The following TENM3 variants were observed in gnomAD, a reference collection of about 807,000 sequenced individuals.
TENM3 encodes the protein teneurin-3.
A neutral mutation model predicts 255.1 loss-of-function variants in TENM3; 63 were observed. The ratio of observed to expected loss-of-function variants is 0.25; its 90% CI spans 0.20 to 0.30. TENM3 has a LOEUF of 0.30. Among genes scored for constraint, TENM3 ranks in the 10% least tolerant of loss-of-function variants. The probability of loss-of-function intolerance (pLI) is 1.00; values close to 1 mark genes in which losing one functional copy is unlikely to be tolerated. For missense variants in TENM3, 2,929 were observed against 3,461.1 expected (o/e 0.85, Z 3.86); for synonymous variants, 1,306 against 1,322.3 (o/e 0.99, Z 0.27).
chr4:182,548,504 C>A (rs1380237499), intron 3 of TENM3, among the ~76,000 whole-genome samples: 1 of 152,128 alleles, frequency 6.6e-6, no homozygotes, highest in African/African-American at 2.4e-5. Flanking sequence ...GGGGGAGGAA[C>A]ACTTCCATGA....
the TENM3 span, among the ~76,000 whole-genome samples, chr4:181,573,903 G>A: frequency 1.3e-5 from 2 of 151,860 alleles, no homozygotes; most frequent in African/African-American, 4.8e-5. Context: ...TATCTCAAAG[G>A]ACAAATTCAT....
At chr4:181,622,553 G>A in the TENM3 span, among the ~76,000 whole-genome samples, 1 of 152,106 alleles carries the variant, frequency 6.6e-6, no homozygotes, top group Non-Finnish European at 1.5e-5. Flanking sequence ...GCAAGAGCGT[G>A]TAATGTCAGC....
chr4:182,549,749 A>G (rs932308093), intron 3 of TENM3, among the ~76,000 whole-genome samples: 1 of 152,234 alleles, frequency 6.6e-6, no homozygotes, highest in Non-Finnish European at 1.5e-5. Context: ...AATAATACAA[A>G]GAAACATAGG....
chr4:181,475,917 G>C, the TENM3 span, among the ~76,000 whole-genome samples: 6,437 of 152,264 alleles, frequency 0.042, 455 homozygotes, highest in African/African-American at 0.15. Flanking sequence ...GGGGCACCGG[G>C]TTCACCCCGC....
the TENM3 span, among the ~76,000 whole-genome samples, chr4:181,644,875 G>A: frequency 4.2e-3 from 639 of 152,160 alleles, 2 homozygotes; most frequent in African/African-American, 0.015. Context: ...GAGGGCCACT[G>A]AGAGGAAAGC....
the TENM3 span, among the ~76,000 whole-genome samples, chr4:181,969,745 G>T: frequency 1.3e-5 from 2 of 152,126 alleles, no homozygotes; most frequent in African/African-American, 4.8e-5. Context: ...ACTGAATAAG[G>T]TGCTATTATT....
the TENM3 span, among the ~76,000 whole-genome samples, chr4:181,967,725 C>T: frequency 6.6e-6 from 1 of 152,128 alleles, no homozygotes; most frequent in Non-Finnish European, 1.5e-5. Context: ...ACTCAAACCC[C>T]TGAGATTTTT....
intron 4 of TENM3, among the ~76,000 whole-genome samples, chr4:182,608,406 G>A (rs1748638722): frequency 6.6e-6 from 1 of 152,048 alleles, no homozygotes; most frequent in South Asian, 2.1e-4. Flanking sequence ...CTACAGGTGT[G>A]GCATGGTGCC....
the TENM3 span, among the ~76,000 whole-genome samples, chr4:181,629,787 C>T: frequency 3.3e-5 from 5 of 152,080 alleles, no homozygotes; most frequent in Non-Finnish European, 7.4e-5. Context: ...GGATATTGGT[C>T]TAAAATTCTC....
chr4:182,316,641 T>C (rs958635027), intron 1 of TENM3, among the ~76,000 whole-genome samples: 1 of 152,078 alleles, frequency 6.6e-6, no homozygotes, highest in Non-Finnish European at 1.5e-5. Context: ...AGTGCTGAGG[T>C]TGAGATACCC....
At chr4:182,064,967 T>C in the TENM3 span, among the ~76,000 whole-genome samples, 1 of 152,176 alleles carries the variant, frequency 6.6e-6, no homozygotes, top group Non-Finnish European at 1.5e-5. Flanking sequence ...TGACACCTGG[T>C]TGCAAATGAT....
At chr4:182,607,184 A>G (rs996033998) in intron 4 of TENM3, among the ~76,000 whole-genome samples, 1 of 152,216 alleles carries the variant, frequency 6.6e-6, no homozygotes, top group Non-Finnish European at 1.5e-5. Flanking sequence ...GCCATTGTGA[A>G]GGGCACCTCA....
At chr4:182,239,068 TGTGTGTA>T (rs1286389434), upstream of TENM3, among the ~76,000 whole-genome samples, 23 of 148,464 alleles carry the variant, frequency 1.5e-4, no homozygotes, top group African/African-American at 5.6e-4. Flanking sequence ...TGTGTGTGTG[TGTGTGTA>T]TTTTTTTTTT....
chr4:182,692,254 G>A (rs1317724791), intron 12 of TENM3, among the ~76,000 whole-genome samples: 1 of 152,234 alleles, frequency 6.6e-6, no homozygotes, highest in Non-Finnish European at 1.5e-5. Context: ...TGCAAATGCA[G>A]TGGTAGGCTC....
At chr4:181,868,946 T>A in the TENM3 span, among the ~76,000 whole-genome samples, 17 of 151,924 alleles carry the variant, frequency 1.1e-4, no homozygotes, top group African/African-American at 4.1e-4. Context: ...AGCAATTAAA[T>A]CCTAACACTT....
the TENM3 span, among the ~76,000 whole-genome samples, chr4:181,852,373 G>A: frequency 1.3e-5 from 2 of 152,158 alleles, no homozygotes; most frequent in Non-Finnish European, 2.9e-5. Context: ...GCTGGGTTCA[G>A]GTCCTTCCTC....
the TENM3 span, among the ~76,000 whole-genome samples, chr4:181,684,895 C>CAGGT: frequency 1.4e-5 from 2 of 144,492 alleles, no homozygotes; most frequent in Non-Finnish European, 3.0e-5. Flanking sequence ...GCTGGGACTA[C>CAGGT]AGGTGTGCAC....
chr4:182,298,699 A>C (rs1168450338), intron 1 of TENM3, among the ~76,000 whole-genome samples: 2 of 152,080 alleles, frequency 1.3e-5, no homozygotes, highest in Non-Finnish European at 2.9e-5. Flanking sequence ...GGGATCGGGC[A>C]TGGTGGCTTA....
intron 1 of TENM3, among the ~76,000 whole-genome samples, chr4:182,299,717 A>T (rs1277542056): frequency 6.6e-6 from 1 of 152,024 alleles, no homozygotes; most frequent in Non-Finnish European, 1.5e-5. Flanking sequence ...AGTAAGTTAA[A>T]TTACCTGCTG....
Sources: gnomAD v4.1 joint callset for allele counts (sites outside exome capture counted in the v4.1 genomes callset) on GRCh38, gnomAD v4.1.1 for gene constraint, MANE v1.5 for transcripts, NCBI Gene and HGNC (gene_info 2026-07-23, HGNC 2026-07-21) for gene names.